The following TLN2 variants were observed in gnomAD, a reference collection of about 807,000 sequenced individuals.
The protein encoded by TLN2 is talin-2.
TLN2 carries 118 observed loss-of-function variants against 294.7 expected under a neutral mutation model. That is an observed-to-expected ratio of 0.40 (90% CI 0.34 to 0.47). The LOEUF is 0.47. TLN2 is among the 20% of genes least tolerant of loss of function. TLN2 has a pLI of 0.84. For missense variants in TLN2, 3,083 were observed against 3,282.2 expected (o/e 0.94, Z 1.48); for synonymous variants, 1,431 against 1,304.5 (o/e 1.10, Z -2.09).
intron 1 of TLN2, among the ~76,000 whole-genome samples, chr15:62,583,324 G>A (rs1418997005): frequency 6.6e-6 from 1 of 152,142 alleles, no homozygotes; most frequent in Non-Finnish European, 1.5e-5. Flanking sequence ...GAGACCCTCT[G>A]TGTTGGTCTG....
chr15:62,763,643 C>T lies in TLN2; in HGVS notation c.5042C>T (p.Ser1681Leu), dbSNP rs1315110366. The T allele has an allele frequency of 5.6e-6, 9 of 1,613,112 alleles. No individual in the cohort carries two copies. Among genetic ancestry groups the T allele is most frequent in the East Asian group, 4.5e-5 (2 of 44,878 alleles). ...TGCATCCGGGACATCGAGCAGGCCT[C>T]GCTGGCCGCCGTCAGCCAGAGCCTG... Reference protein sequence around the residue: ...NRCIRDIEQASLAAVSQSLAT... With the variant: ...NRCIRDIEQALLAAVSQSLAT... The change falls in exon 40 of 59, where the codon TCG becomes TTG. Residue 1681 changes from serine (S) to leucine (L), a missense_variant. Physicochemically the swap from Ser to Leu is moderately radical, Grantham distance 145. Coordinates refer to ENST00000636159, the MANE Select transcript of TLN2 (RefSeq NM_015059.3).
Position 62,708,662 on chromosome 15 carries a change from G to A in TLN2, c.2333G>A (p.Ser778Asn), listed in dbSNP as rs201164012. The change falls in exon 21 of 59, where the codon AGC (serine) becomes AAC (asparagine). Residue 778 changes from serine (S) to asparagine (N), a missense_variant. Ser to Asn is a conservative substitution (Grantham distance 46). Transcript: ENST00000636159. ...GTCAGCGCAGCGGCCAGCGTGGTCA[G>A]CCAGGCCCTCCATGATCTCCTGCAG... Reference protein sequence around the residue: ...KQVSAAASVVSQALHDLLQHV... With the variant: ...KQVSAAASVVNQALHDLLQHV... The A allele has an allele frequency of 5.3e-5, 86 of 1,614,206 alleles. No homozygotes were observed. The East Asian group carries it at 1.9e-3, about 35-fold the overall frequency.
chr15:62,565,426 A>T (rs2140618993), intron 1 of TLN2, among the ~76,000 whole-genome samples: 1 of 150,852 alleles, frequency 6.6e-6, no homozygotes, highest in Non-Finnish European at 1.5e-5. Flanking sequence ...AATTTAAGGC[A>T]TCATTGCCCA....
intron 54 of TLN2, chr15:62,831,656 A>T (rs1186524379): frequency 6.6e-6 from 1 of 152,134 alleles, no homozygotes; most frequent in Non-Finnish European, 1.5e-5. Context: ...TGTCCTGAAT[A>T]CTCTTAGAGC....
intron 1 of TLN2, among the ~76,000 whole-genome samples, chr15:62,521,894 C>T (rs62006692): frequency 0.13 from 19,420 of 152,114 alleles, 1,352 homozygotes; most frequent in African/African-American, 0.17. Context: ...TGCCGTGTGA[C>T]GCTATACCAC....
intron 20 of TLN2, 82 bp downstream of exon 20, chr15:62,707,335 G>A: frequency 6.9e-7 from 1 of 1,451,852 alleles, no homozygotes; most frequent in Non-Finnish European, 9.1e-7. Flanking sequence ...TGTAGCAGGG[G>A]CAGAATTTGT....
intron 41 of TLN2, among the ~76,000 whole-genome samples, chr15:62,767,073 C>T (rs567249466): frequency 6.6e-6 from 1 of 152,310 alleles, no homozygotes; most frequent in South Asian, 2.1e-4. Context: ...GATTTTTAAC[C>T]ACCTTGGGTT....
chr15:62,502,906 C>A (rs962910106), intron 1 of TLN2, among the ~76,000 whole-genome samples: 1 of 152,168 alleles, frequency 6.6e-6, no homozygotes, highest in Non-Finnish European at 1.5e-5. Context: ...TTCCTTTTGG[C>A]TGTTAAAGAG....
intron 54 of TLN2, among the ~76,000 whole-genome samples, chr15:62,825,812 ATTATAAT>A (rs1567687455): frequency 1.3e-5 from 1 of 75,974 alleles, no homozygotes; most frequent in East Asian, 3.4e-4. Context: ...TATATATTAT[ATTATAAT>A]ATATATTATA....
At chr15:62,599,277 T>G (rs892444638) in intron 2 of TLN2, among the ~76,000 whole-genome samples, 3 of 152,188 alleles carry the variant, frequency 2.0e-5, no homozygotes, top group African/African-American at 7.2e-5. Context: ...TTTAACTGGT[T>G]GCAGTGATGA....
intron 52 of TLN2, among the ~76,000 whole-genome samples, chr15:62,817,173 C>T (rs2067181680): frequency 6.6e-6 from 1 of 152,174 alleles, no homozygotes; most frequent in East Asian, 1.9e-4. Flanking sequence ...ATTGCCTGCC[C>T]ACTGGCTGTC....
intron 1 of TLN2, among the ~76,000 whole-genome samples, chr15:62,432,148 A>T (rs1265256547): frequency 1.3e-5 from 2 of 152,108 alleles, no homozygotes; most frequent in Non-Finnish European, 2.9e-5. Context: ...ACTTTTTATT[A>T]GTGTATCTTT....
chr15:62,501,716 G>A (rs1044735105), intron 1 of TLN2, among the ~76,000 whole-genome samples: 4 of 152,186 alleles, frequency 2.6e-5, no homozygotes, highest in Admixed American at 2.6e-4. Flanking sequence ...TTGTTTAATT[G>A]GACATAGTTA....
At chr15:62,442,322 C>T (rs915305022) in intron 1 of TLN2, among the ~76,000 whole-genome samples, 1 of 151,654 alleles carries the variant, frequency 6.6e-6, no homozygotes, top group Non-Finnish European at 1.5e-5. Context: ...TGGTGAAACC[C>T]CGTCTCTACT....
intron 54 of TLN2, chr15:62,832,025 T>A (rs1319458654): frequency 1.3e-5 from 2 of 151,664 alleles, no homozygotes; most frequent in Non-Finnish European, 2.9e-5. Flanking sequence ...TGCTGCCACA[T>A]CACCTTGGCC....
intron 2 of TLN2, among the ~76,000 whole-genome samples, chr15:62,608,381 T>A (rs2047629547): frequency 6.6e-6 from 1 of 152,094 alleles, no homozygotes; most frequent in Non-Finnish European, 1.5e-5. Context: ...GTAGTCAGAT[T>A]TGAATTTTCA....
chr15:62,807,066 A>C (rs2066340545), intron 51 of TLN2, among the ~76,000 whole-genome samples: 1 of 152,058 alleles, frequency 6.6e-6, no homozygotes, highest in Non-Finnish European at 1.5e-5. Flanking sequence ...GGTGTGTTGG[A>C]AAAGACAGGG....
chr15:62,558,897 C>T (rs1356788237), intron 1 of TLN2, among the ~76,000 whole-genome samples: 1 of 152,138 alleles, frequency 6.6e-6, no homozygotes, highest in Non-Finnish European at 1.5e-5. Flanking sequence ...AAAGAGGGGG[C>T]AGGATACCTT....
chr15:62,807,030 G>A lies in TLN2; in HGVS notation c.6663+1245G>A, dbSNP rs541487716. The stretch of plus-strand genomic sequence containing the variant: ...CAGTACCACATTTATGGGACCCCTG[G>A]GTGTGATGAAGGGTGGAGAGAAGAG... On this transcript the variant is annotated intron_variant, in intron 51 of 58. Coordinates refer to ENST00000636159, the MANE Select transcript of TLN2 (RefSeq NM_015059.3). Among the ~76,000 whole-genome samples the A allele has an allele frequency of 4.6e-5, 7 of 152,170 alleles. No individual in the cohort carries two copies. The South Asian group carries it at 8.3e-4, about 18-fold the overall frequency.
Sources: allele counts gnomAD v4.1 joint callset (sites outside exome capture counted in the v4.1 genomes callset), GRCh38; gene constraint gnomAD v4.1.1; transcripts MANE v1.5; gene names NCBI Gene and HGNC (gene_info 2026-07-23, HGNC 2026-07-21).